The following ARHGAP32 variants were observed in gnomAD, a reference collection of about 807,000 sequenced individuals.
ARHGAP32 encodes Rho GTPase activating protein 32, also known as rho GTPase-activating protein 32.
In ARHGAP32, 51 loss-of-function variants were observed where a neutral mutation model predicts 186.5. That is an observed-to-expected ratio of 0.27 (90% CI 0.22 to 0.35). ARHGAP32 has a LOEUF of 0.35. ARHGAP32 is among the 10% of genes least tolerant of loss of function. The pLI is 1.00. For synonymous variants in ARHGAP32, 950 were observed against 964.3 expected, an observed-to-expected ratio of 0.99 and a Z score of 0.27; for missense variants, 2,186 against 2,623.5, an observed-to-expected ratio of 0.83 and a Z score of 3.64.
At chr11:129,074,950 G>C (rs935132951) in intron 6 of ARHGAP32, among the ~76,000 whole-genome samples, 2 of 152,110 alleles carry the variant, frequency 1.3e-5, no homozygotes, top group African/African-American at 4.8e-5. Context: ...ATGTAACTCA[G>C]CTGCAGTCAT....
chr11:129,041,028 G>C lies in ARHGAP32; in HGVS notation c.964-19C>G. 1 of 1,561,746 alleles carries C rather than the reference G, an allele frequency of 6.4e-7. No homozygotes were observed. Among genetic ancestry groups the C allele is most frequent in the South Asian group, 1.2e-5 (1 of 85,192 alleles). The stretch of plus-strand genomic sequence containing the variant: ...GTCCCACCTGATGAAAAGCAACAAA[G>C]AAAGGATTCTAAACCAGCAAACAGA... On this transcript the variant is annotated intron_variant, in intron 10 of 22. Coordinates refer to ENST00000682385, the MANE Select transcript of ARHGAP32 (RefSeq NM_001378024.1).
intron 11 of ARHGAP32, among the ~76,000 whole-genome samples, chr11:129,003,404 G>C (rs760258764): frequency 1.3e-5 from 2 of 152,106 alleles, no homozygotes; most frequent in Non-Finnish European, 2.9e-5. Flanking sequence ...TGTAGAATTC[G>C]TTTGGAAGTA....
Position 128,966,631 on chromosome 11 carries a change from A to G in ARHGAP32, c.*2276T>C, listed in dbSNP as rs1341572493. On this transcript the variant is annotated 3_prime_UTR_variant, in exon 23 of 23. Transcript: ENST00000682385. ...TCGAGGAATTAACCCTACTATTTAT[A>G]AAATAGGTTTTAGTTTCAGGACTAA... 6.6e-6 allele frequency: 1 copy of G among 152,222 alleles called. No homozygotes were observed. The highest frequency in any genetic ancestry group is 1.5e-5 in the Non-Finnish European group (1 of 68,032). The allele number at this position is 152,222 out of a possible 1,614,324, so 9.4% of individuals were successfully genotyped here.
chr11:129,092,109 T>C (rs1359464670), intron 6 of ARHGAP32, among the ~76,000 whole-genome samples: 1 of 151,996 alleles, frequency 6.6e-6, no homozygotes, highest in Non-Finnish European at 1.5e-5. Flanking sequence ...GGAAACGAAC[T>C]ATCTATCTAG....
rs529876433 is a variant in ARHGAP32, at chr11:129,008,724, G to A, written c.1046-10256C>T. ...CTTGCAATCTCAATATAATGTTGAT[G>A]CTATCTCTGACATGTATGCTCTGAA... is the stretch of plus-strand genomic sequence containing the variant. On this transcript the variant is annotated intron_variant, in intron 11 of 22. Transcript: ENST00000682385. Among the ~76,000 whole-genome samples, 5 of 152,306 alleles carry A rather than the reference G, an allele frequency of 3.3e-5. No homozygotes were observed. In the East Asian group the frequency reaches 9.6e-4, roughly 29 times the overall value.
chr11:129,192,478 T>C (rs1239055865), upstream of ARHGAP32, among the ~76,000 whole-genome samples: 1 of 152,184 alleles, frequency 6.6e-6, no homozygotes, highest in Non-Finnish European at 1.5e-5. Context: ...AGGTGATTTT[T>C]TACTAATTAT....
chr11:129,002,783 G>C (rs180983177), intron 11 of ARHGAP32, among the ~76,000 whole-genome samples: 5 of 146,712 alleles, frequency 3.4e-5, no homozygotes, highest in African/African-American at 7.5e-5. Flanking sequence ...TTTTTGAGGG[G>C]TTTTATCATG....
chr11:129,151,235 T>C (rs1943280569), intron 2 of ARHGAP32, among the ~76,000 whole-genome samples: 1 of 152,080 alleles, frequency 6.6e-6, no homozygotes, highest in African/African-American at 2.4e-5. Flanking sequence ...TATAAAACAA[T>C]TACTACTAGA....
intron 11 of ARHGAP32, among the ~76,000 whole-genome samples, chr11:129,017,996 C>T (rs1004528192): frequency 6.6e-6 from 1 of 152,056 alleles, no homozygotes; most frequent in Non-Finnish European, 1.5e-5. Context: ...TTTGTAACTA[C>T]TTTCTTTTCT....
chr11:129,242,545 T>C (rs972892232), intron 1 of ARHGAP32, among the ~76,000 whole-genome samples: 3 of 151,802 alleles, frequency 2.0e-5, no homozygotes, highest in Admixed American at 6.6e-5. Context: ...AGTGAAACCC[T>C]GTCTCTACTA....
intron 1 of ARHGAP32, among the ~76,000 whole-genome samples, chr11:129,224,942 T>C (rs12295588): frequency 0.014 from 2,175 of 151,874 alleles, 19 homozygotes; most frequent in South Asian, 0.031. Context: ...CAAGACTCTA[T>C]CTCTATAAAA....
intron 11 of ARHGAP32, among the ~76,000 whole-genome samples, chr11:129,040,416 G>A (rs959001477): frequency 1.3e-5 from 2 of 151,880 alleles, no homozygotes; most frequent in Non-Finnish European, 2.9e-5. Context: ...AATAAACACC[G>A]AAATTCACAT....
intron 11 of ARHGAP32, among the ~76,000 whole-genome samples, chr11:129,016,770 T>C (rs1156673618): frequency 6.6e-6 from 1 of 152,242 alleles, no homozygotes; most frequent in Non-Finnish European, 1.5e-5. Flanking sequence ...TGGAATCTCA[T>C]TGAAGCTGCA....
At chr11:129,091,014 G>A (rs542143851) in intron 6 of ARHGAP32, among the ~76,000 whole-genome samples, 1 of 152,068 alleles carries the variant, frequency 6.6e-6, no homozygotes, top group Admixed American at 6.6e-5. Flanking sequence ...CGTTTACTCA[G>A]AGAACAGAAT....
At chr11:129,088,566 G>A (rs185094197) in intron 6 of ARHGAP32, among the ~76,000 whole-genome samples, 301 of 152,266 alleles carry the variant, frequency 2.0e-3, no homozygotes, top group African/African-American at 7.0e-3. Flanking sequence ...GTGACAGAGC[G>A]AGACTCCTTC....
intron 6 of ARHGAP32, among the ~76,000 whole-genome samples, chr11:129,071,480 G>A (rs937877740): frequency 6.6e-6 from 1 of 152,008 alleles, no homozygotes; most frequent in African/African-American, 2.4e-5. Flanking sequence ...CTAGTCATTA[G>A]GCAAGTGCAA....
chr11:129,164,373 A>G lies in ARHGAP32; in HGVS notation c.171T>C (p.His57=). 1 of 1,583,936 alleles carries G rather than the reference A, an allele frequency of 6.3e-7. No individual in the cohort carries two copies. Among genetic ancestry groups the G allele is most frequent in the South Asian group, 1.2e-5 (1 of 86,420 alleles). The change falls in exon 2 of 23, where the codon CAT becomes CAC. Residue 57 remains histidine, a synonymous_variant. Coordinates refer to ENST00000682385, the MANE Select transcript of ARHGAP32 (RefSeq NM_001378024.1). ...SEEDDFVPEL[H]RNVHPRERPD... is the part of the protein sequence containing the mutation. ...GCCGCTCTCGAGGGTGTACATTTCT[A>G]TGTAGCTCTGGAACAAAATCATCTT...
At chr11:129,137,421 T>C (rs1256470860) in intron 2 of ARHGAP32, among the ~76,000 whole-genome samples, 1 of 151,522 alleles carries the variant, frequency 6.6e-6, no homozygotes, top group Non-Finnish European at 1.5e-5. Context: ...ATCCCTAAGA[T>C]CAAAAAACAA....
intron 1 of ARHGAP32, among the ~76,000 whole-genome samples, chr11:129,180,257 G>T (rs894258366): frequency 6.6e-6 from 1 of 152,084 alleles, no homozygotes; most frequent in Non-Finnish European, 1.5e-5. Flanking sequence ...TCAGACATTA[G>T]AGTACATGCT....
Sources: allele counts gnomAD v4.1 joint callset (sites outside exome capture counted in the v4.1 genomes callset), GRCh38; gene constraint gnomAD v4.1.1; transcripts MANE v1.5; gene names NCBI Gene and HGNC (gene_info 2026-07-23, HGNC 2026-07-21).